ARL8B: variants seen among roughly 807,000 people sequenced by gnomAD.
The protein encoded by ARL8B is ADP-ribosylation factor-like protein 8B.
A neutral mutation model predicts 30.6 loss-of-function variants in ARL8B; 9 were observed. That is an observed-to-expected ratio of 0.29 (90% CI 0.18 to 0.51). The LOEUF is 0.51. ARL8B is among the 20% of genes least tolerant of loss of function. The pLI is 0.97. For missense variants in ARL8B, 130 were observed against 227.2 expected, an observed-to-expected ratio of 0.57 and a Z score of 2.75; for synonymous variants, 74 against 76.0, an observed-to-expected ratio of 0.97 and a Z score of 0.14.
chr3:5,148,805 T>C (rs2054452449), intron 1 of ARL8B, among the ~76,000 whole-genome samples: 1 of 152,164 alleles, frequency 6.6e-6, no homozygotes, highest in Non-Finnish European at 1.5e-5. Context: ...ATCTTTTGCT[T>C]TTCCTTTTGC....
chr3:5,147,278 T>C (rs1022384600), intron 1 of ARL8B, among the ~76,000 whole-genome samples: 9 of 152,336 alleles, frequency 5.9e-5, no homozygotes, highest in South Asian at 4.1e-4. Context: ...TGTTTAGTTT[T>C]CTGTCCTTGG....
chr3:5,142,725 C>A (rs974146893), intron 1 of ARL8B, among the ~76,000 whole-genome samples: 17 of 152,076 alleles, frequency 1.1e-4, no homozygotes, highest in African/African-American at 4.1e-4. Context: ...TGGAGTAGTT[C>A]CAGGCAAATG....
At chr3:5,141,691 G>T (rs1356327892) in intron 1 of ARL8B, among the ~76,000 whole-genome samples, 1 of 152,142 alleles carries the variant, frequency 6.6e-6, no homozygotes, top group East Asian at 1.9e-4. Context: ...GGTCCCATCT[G>T]GGGCAGTATT....
rs751491541 is a variant in ARL8B, at chr3:5,174,357, A to G, written c.454A>G (p.Ile152Val). 5 of 1,604,194 alleles carry G rather than the reference A, an allele frequency of 3.1e-6. No homozygotes were observed. Among genetic ancestry groups the G allele is most frequent in the Admixed American group, 3.3e-5 (2 of 59,982 alleles). The change falls in exon 6 of 7, where the codon ATT becomes GTT. Residue 152 changes from isoleucine (I) to valine (V), a missense_variant. Ile to Val is a conservative substitution (Grantham distance 29). Coordinates refer to ENST00000256496, the MANE Select transcript of ARL8B (RefSeq NM_018184.3). ...TTCTTCTCATAGGAATCTGTCTGCT[A>G]TTCAGGATAGAGAAATTTGCTGCTA... ...QLIEKMNLSAIQDREICCYSI... is the reference protein window; with the variant it reads ...QLIEKMNLSAVQDREICCYSI...
chr3:5,137,520 C>A (rs1018828558), intron 1 of ARL8B, among the ~76,000 whole-genome samples: 2 of 150,330 alleles, frequency 1.3e-5, no homozygotes, highest in African/African-American at 4.9e-5. Context: ...TCACTGCAAA[C>A]CTCTGCTTCC....
At chr3:5,178,093 G>T (rs776340881) in intron 6 of ARL8B, among the ~76,000 whole-genome samples, 8 of 152,340 alleles carry the variant, frequency 5.3e-5, no homozygotes, top group Admixed American at 2.0e-4. Context: ...CCCAGCCCCA[G>T]ATGTCAAAAG....
chr3:5,129,119 A>C (rs1379489651), intron 1 of ARL8B, among the ~76,000 whole-genome samples: 1 of 152,130 alleles, frequency 6.6e-6, no homozygotes, highest in Admixed American at 6.5e-5. Flanking sequence ...CATATGGCCA[A>C]ATTGCTTTCC....
Position 5,122,294 on chromosome 3 carries a change from A to G in ARL8B, c.-172A>G, listed in dbSNP as rs1334025082. The stretch of plus-strand genomic sequence containing the variant: ...GGGCGTGGGGGGTAGGGCGAGTCAT[A>G]TGATCCGCTCGGCTTCCTGGGTCTG... On this transcript the variant is annotated 5_prime_UTR_variant, in exon 1 of 7. The change creates a new upstream start codon in the 5' untranslated region. Transcript: ENST00000256496. The G allele has an allele frequency of 2.7e-6, 4 of 1,497,452 alleles. No individual in the cohort carries two copies. Among genetic ancestry groups the G allele is most frequent in the South Asian group, 1.2e-5 (1 of 80,518 alleles). The allele number at this position is 1,497,452 out of a possible 1,614,324, so 92.8% of individuals were successfully genotyped here.
At chr3:5,145,425 C>G (rs550632984) in intron 1 of ARL8B, among the ~76,000 whole-genome samples, 1 of 152,256 alleles carries the variant, frequency 6.6e-6, no homozygotes, top group Admixed American at 6.5e-5. Context: ...GCTTTCGACT[C>G]TCCTCTACCA....
chr3:5,144,456 T>C (rs2054401962), intron 1 of ARL8B, among the ~76,000 whole-genome samples: 1 of 152,218 alleles, frequency 6.6e-6, no homozygotes, highest in Non-Finnish European at 1.5e-5. Context: ...TATACACTCA[T>C]CATTCCTATG....
At chr3:5,133,681 T>G (rs1368872407) in intron 1 of ARL8B, among the ~76,000 whole-genome samples, 1 of 152,146 alleles carries the variant, frequency 6.6e-6, no homozygotes, top group Non-Finnish European at 1.5e-5. Flanking sequence ...ACCCCAGCAC[T>G]TTGGGAGGCT....
chr3:5,126,121 T>G (rs999752364), intron 1 of ARL8B, among the ~76,000 whole-genome samples: 2 of 151,788 alleles, frequency 1.3e-5, no homozygotes, highest in African/African-American at 4.8e-5. Context: ...TTCATACTTT[T>G]TTTTTTTTTT....
At position 5,165,164 on chromosome 3, in the gene ARL8B, C is replaced by G. The variant is rs545992628; in HGVS notation, c.124-5339C>G. ...AGCTAATGATCAGTTTGTGGGGATA[C>G]ACTTTCAGACTGTGAAACTTCTTGC... On this transcript the variant is annotated intron_variant, in intron 1 of 6. Coordinates refer to ENST00000256496, the MANE Select transcript of ARL8B (RefSeq NM_018184.3). Among the ~76,000 whole-genome samples, 162 of 152,290 alleles carry G rather than the reference C, an allele frequency of 1.1e-3. 1 individual carries two copies. Among genetic ancestry groups the G allele is most frequent in the African/African-American group, 3.7e-3 (153 of 41,564 alleles).
intron 1 of ARL8B, among the ~76,000 whole-genome samples, chr3:5,123,025 C>G (rs1052218393): frequency 6.6e-6 from 1 of 152,166 alleles, no homozygotes; most frequent in Non-Finnish European, 1.5e-5. Context: ...CATTAAGAGC[C>G]TCTCTTAAGT....
chr3:5,160,944 CCCAGGTGTCTGTCCT>C (rs1354268575), intron 1 of ARL8B, among the ~76,000 whole-genome samples: 2 of 152,128 alleles, frequency 1.3e-5, no homozygotes, highest in Non-Finnish European at 2.9e-5. Flanking sequence ...GGCTTTGTCC[CCCAGGTGTCTGTCCT>C]CCAGGGTAGA....
chr3:5,134,933 C>T (rs773827364), intron 1 of ARL8B, among the ~76,000 whole-genome samples: 3 of 152,216 alleles, frequency 2.0e-5, no homozygotes, highest in South Asian at 2.1e-4. Flanking sequence ...CTGCAACCTC[C>T]GCCTCCCAGG....
intron 1 of ARL8B, among the ~76,000 whole-genome samples, chr3:5,140,959 C>A (rs546565413): frequency 6.6e-6 from 1 of 152,300 alleles, no homozygotes; most frequent in East Asian, 1.9e-4. Flanking sequence ...ACAGTTACAA[C>A]AGGTAATTTA....
rs148091394 is a variant in ARL8B, at chr3:5,129,867, CTCTT to C, written c.123+7281_123+7284del. 1.9e-3 allele frequency among the ~76,000 whole-genome samples: 293 copies of C among 152,146 alleles called. 1 individual carries two copies. The highest frequency in any genetic ancestry group is 6.8e-3 in the African/African-American group (284 of 41,522). ...GCCACATTCTCCACATTCTCTCTCT[CTCTT>C]TTTTGTTTTTCAGACAGAGTCTTGC... On this transcript the variant is annotated intron_variant, in intron 1 of 6. Coordinates refer to ENST00000256496, the MANE Select transcript of ARL8B (RefSeq NM_018184.3).
At chr3:5,130,880 A>C (rs2054277126) in intron 1 of ARL8B, among the ~76,000 whole-genome samples, 1 of 151,826 alleles carries the variant, frequency 6.6e-6, no homozygotes, top group African/African-American at 2.4e-5. Context: ...GAGGTTGCTT[A>C]AAATCTAGGC....
Sources: allele counts gnomAD v4.1 joint callset (sites outside exome capture counted in the v4.1 genomes callset), GRCh38; gene constraint gnomAD v4.1.1; transcripts MANE v1.5; gene names NCBI Gene and HGNC (gene_info 2026-07-23, HGNC 2026-07-21).